Variants in MED13 observed in about 807,000 individuals in gnomAD.
MED13 encodes mediator of RNA polymerase II transcription subunit 13.
MED13 carries 23 observed loss-of-function variants against 225.2 expected under a neutral mutation model. That is an observed-to-expected ratio of 0.10 (90% CI 0.07 to 0.14). MED13 has a LOEUF of 0.14. Among genes scored for constraint, MED13 ranks in the 10% least tolerant of loss-of-function variants. The pLI is 1.00. For missense variants in MED13, 2,197 were observed against 2,594.5 expected, an observed-to-expected ratio of 0.85 and a Z score of 3.33; for synonymous variants, 942 against 889.2, an observed-to-expected ratio of 1.06 and a Z score of -1.06.
intron 2 of MED13, among the ~76,000 whole-genome samples, chr17:62,059,456 CAGA>C (rs1404986372): frequency 2.0e-5 from 3 of 152,206 alleles, no homozygotes; most frequent in Admixed American, 1.3e-4. Context: ...CTGAACCAAA[CAGA>C]AGGACACTGC....
At chr17:62,008,609 A>C (rs1347205105) in intron 9 of MED13, among the ~76,000 whole-genome samples, 1 of 152,134 alleles carries the variant, frequency 6.6e-6, no homozygotes, top group Non-Finnish European at 1.5e-5. Flanking sequence ...TTATCAATCC[A>C]AGCATGAGGG....
rs1263279422 is a variant in MED13, at chr17:62,050,724, CT to C, written c.470+1812del. 3.3e-5 allele frequency among the ~76,000 whole-genome samples: 5 copies of C among 152,296 alleles called. No individual in the cohort carries two copies. The East Asian group carries it at 9.7e-4, about 29-fold the overall frequency. Reference sequence around the variant, plus strand: ...AAACTACATAAATCTATATGCCTGGCTGGGAGCAGTGGCTCACGCCTGTAAT... The same window carrying C: ...AAACTACATAAATCTATATGCCTGGCGGGAGCAGTGGCTCACGCCTGTAAT... On this transcript the variant is annotated intron_variant, in intron 3 of 29. Coordinates refer to ENST00000397786, the MANE Select transcript of MED13 (RefSeq NM_005121.3).
At chr17:62,023,183 T>C (rs1045741121) in intron 8 of MED13, among the ~76,000 whole-genome samples, 1 of 152,218 alleles carries the variant, frequency 6.6e-6, no homozygotes, top group African/African-American at 2.4e-5. Flanking sequence ...AAATAATTTC[T>C]ATTCATGTAA....
intron 8 of MED13, among the ~76,000 whole-genome samples, chr17:62,013,280 T>C (rs564702072): frequency 3.3e-5 from 5 of 152,208 alleles, no homozygotes; most frequent in Admixed American, 2.6e-4. Context: ...AACACAGATG[T>C]AAATAATTAA....
intron 19 of MED13, among the ~76,000 whole-genome samples, chr17:61,965,783 A>G (rs367911108): frequency 6.6e-6 from 1 of 152,236 alleles, no homozygotes; most frequent in East Asian, 1.9e-4. Context: ...TATTCATCAA[A>G]CTATTCAAAG....
At chr17:62,052,037 T>A (rs2143757906) in intron 3 of MED13, among the ~76,000 whole-genome samples, 1 of 152,304 alleles carries the variant, frequency 6.6e-6, no homozygotes, top group East Asian at 1.9e-4. Context: ...TCAAGAAAAT[T>A]ATAAGCTCTC....
At chr17:61,978,658 T>C (rs1215535784) in intron 16 of MED13, among the ~76,000 whole-genome samples, 1 of 151,940 alleles carries the variant, frequency 6.6e-6, no homozygotes, top group Non-Finnish European at 1.5e-5. Context: ...AGGTAGTATA[T>C]AGTGCTAGAG....
chr17:62,055,820 C>CA lies in MED13; in HGVS notation c.302-3116dup, dbSNP rs966291712. Among the ~76,000 whole-genome samples the CA allele has an allele frequency of 3.9e-3, 557 of 141,270 alleles. 4 individuals are homozygous for CA. Among genetic ancestry groups the CA allele is most frequent in the African/African-American group, 0.011 (437 of 38,610 alleles). 92.7% of individuals were successfully genotyped at this position (141,270 alleles called of 152,430 possible). ...CTGGTGACAGAGCAAGACTCCATCT[C>CA]AAAAAAAAAAAGAATATTGAATGTG... On this transcript the variant is annotated intron_variant, in intron 2 of 29. Transcript: ENST00000397786.
chr17:62,061,194 G>A (rs985857690), intron 2 of MED13, among the ~76,000 whole-genome samples: 3 of 151,946 alleles, frequency 2.0e-5, no homozygotes, highest in Non-Finnish European at 4.4e-5. Flanking sequence ...AACTTTAATA[G>A]TCTTTTAACT....
Position 61,984,953 on chromosome 17 carries a change from AT to A in MED13, c.2476+46del, listed in dbSNP as rs1434228580. The A allele has an allele frequency of 3.7e-6, 6 of 1,603,040 alleles. No individual in the cohort carries two copies. In the Middle Eastern group the frequency reaches 5.0e-4, roughly 133 times the overall value. Reference sequence around the variant, plus strand: ...AAAAGGAGTGGGGAGCTTTGTTGAGATTAAAAGTTCGCAAATTTATCTCGAG... The same window carrying A: ...AAAAGGAGTGGGGAGCTTTGTTGAGATAAAAGTTCGCAAATTTATCTCGAG... On this transcript the variant is annotated intron_variant, in intron 13 of 29. Transcript: ENST00000397786.
intron 16 of MED13, among the ~76,000 whole-genome samples, chr17:61,974,099 A>G (rs1370047846): frequency 6.6e-6 from 1 of 152,166 alleles, no homozygotes; most frequent in African/African-American, 2.4e-5. Context: ...ATAGTAGAAT[A>G]CTACTTAGTA....
At chr17:61,986,124 G>A (rs554044422) in intron 12 of MED13, among the ~76,000 whole-genome samples, 51 of 152,272 alleles carry the variant, frequency 3.3e-4, no homozygotes, top group Non-Finnish European at 6.2e-4. Flanking sequence ...AATGGTAGTA[G>A]AGAGAAAGTA....
Position 61,965,375 on chromosome 17 carries a change from T to A in MED13, c.4475A>T (p.Gln1492Leu). ...ATTAGCATTTCCAGTATTTGTCATC[T>A]GAGGTGGAGTAATCAAAGACTGACT... ...PTSQSLITPP[Q>L]MTNTGNANTP... Residue 1492 changes from glutamine (Q) to leucine (L), a missense_variant, in exon 20 of 30, where the codon CAG becomes CTG. Around this residue, in one of 12 missense-constraint regions of MED13, gnomAD observed 457 missense variants for 442.2 expected, o/e 1.03. Transcript: ENST00000397786. 3 of 1,614,200 alleles carry A rather than the reference T, an allele frequency of 1.9e-6. No homozygotes were observed. The highest frequency in any genetic ancestry group is 2.5e-6 in the Non-Finnish European group (3 of 1,180,022).
intron 8 of MED13, among the ~76,000 whole-genome samples, chr17:62,014,629 T>C (rs1317686645): frequency 6.6e-6 from 1 of 152,180 alleles, no homozygotes; most frequent in East Asian, 1.9e-4. Flanking sequence ...TATATGGCTC[T>C]TGAGTACTTG....
intron 28 of MED13, among the ~76,000 whole-genome samples, 174 bp downstream of exon 28, chr17:61,950,651 T>C (rs1196943000): frequency 6.6e-6 from 1 of 152,356 alleles, no homozygotes; most frequent in Non-Finnish European, 1.5e-5. Flanking sequence ...CTCAAAGTGC[T>C]GGCATTACAG....
At chr17:61,993,700 C>T (rs926702646) in intron 10 of MED13, among the ~76,000 whole-genome samples, 3 of 151,658 alleles carry the variant, frequency 2.0e-5, no homozygotes, top group South Asian at 4.2e-4. Context: ...GAGGCCGAGG[C>T]GGGCGGATCA....
At chr17:61,995,440 A>C (rs990175872) in intron 9 of MED13, 75 bp from the exon 10 acceptor site, 106 of 1,019,382 alleles carry the variant, frequency 1.0e-4, no homozygotes, top group Non-Finnish European at 8.6e-5. Context: ...TAAGTATCAT[A>C]ATGTTTTTAG....
At position 62,029,956 on chromosome 17, in the gene MED13, T is replaced by C. The variant is rs764336879; in HGVS notation, c.1067A>G (p.Asn356Ser). The part of the protein sequence containing the change: ...VKFSSVSDGF[N>S]SDSTSHHGGK... The stretch of plus-strand genomic sequence containing the variant: ...ACCATGGTGGCTAGTACTATCGGAG[T>C]TGAAGCCATCAGATACTGAAGAAAA... The change falls in exon 7 of 30, where the codon AAC becomes AGC. Residue 356 changes from asparagine to serine, a missense_variant. Asn to Ser is a conservative substitution (Grantham distance 46). Transcript: ENST00000397786. 8.7e-6 allele frequency: 14 copies of C among 1,613,376 alleles called. No individual in the cohort carries two copies. The African/African-American group carries it at 9.4e-5, about 11-fold the overall frequency.
At chr17:62,024,238 G>T (rs1183823117) in intron 8 of MED13, among the ~76,000 whole-genome samples, 2 of 152,074 alleles carry the variant, frequency 1.3e-5, no homozygotes, top group African/African-American at 4.8e-5. Flanking sequence ...GGCTGGTCTT[G>T]AACTCCTGAC....
Sources: allele counts gnomAD v4.1 joint callset (sites outside exome capture counted in the v4.1 genomes callset), GRCh38; gene constraint gnomAD v4.1.1; regional missense constraint gnomAD v4.1.1; transcripts MANE v1.5; gene names NCBI Gene and HGNC (gene_info 2026-07-23, HGNC 2026-07-21).